STX18: variants seen among roughly 807,000 people sequenced by gnomAD.
STX18 encodes syntaxin-18.
A neutral mutation model predicts 50.1 loss-of-function variants in STX18; 40 were observed. The observed-to-expected ratio is 0.80, with a 90% CI of 0.62 to 1.04. STX18 has a LOEUF of 1.04. STX18 is among the 50% of genes least tolerant of loss of function. STX18 has a pLI of 0.00. For missense variants in STX18, 410 were observed against 415.8 expected (o/e 0.99, Z 0.12); for synonymous variants, 158 against 151.8 (o/e 1.04, Z -0.30).
intron 1 of STX18, among the ~76,000 whole-genome samples, chr4:4,531,453 C>T (rs957985770): frequency 3.9e-5 from 6 of 152,124 alleles, no homozygotes; most frequent in Admixed American, 1.3e-4. Context: ...ATAAATGTTT[C>T]GTTATATTCT....
intron 1 of STX18, among the ~76,000 whole-genome samples, chr4:4,523,197 A>C (rs1180231223): frequency 6.6e-6 from 1 of 152,176 alleles, no homozygotes; most frequent in Admixed American, 6.5e-5. Context: ...AATCCAAGTA[A>C]AAACAAGCTT....
At chr4:4,526,907 T>C (rs1730794480) in intron 1 of STX18, among the ~76,000 whole-genome samples, 2 of 152,332 alleles carry the variant, frequency 1.3e-5, no homozygotes, top group South Asian at 4.1e-4. Flanking sequence ...ATAAGTGAGA[T>C]ATATTCACAG....
In STX18 at chr4:4,423,383, A is replaced by G. The variant is rs1186841465; in HGVS notation, c.831+135T>C. 1.4e-5 allele frequency: 12 copies of G among 839,906 alleles called. No homozygotes were observed. In the East Asian group the frequency reaches 2.1e-4, roughly 15 times the overall value. The allele number at this position is 839,906 out of a possible 1,614,324, so 52.0% of individuals were successfully genotyped here. ...AGCTTTTCCCTGAGGAGCTCTGCGC[A>G]CACACACCTGCTAGCAACACATGGC... On this transcript the variant is annotated intron_variant, in intron 9 of 10. Transcript: ENST00000306200.
At chr4:4,454,281 G>A (rs899882497) in intron 5 of STX18, among the ~76,000 whole-genome samples, 11 of 152,222 alleles carry the variant, frequency 7.2e-5, no homozygotes, top group Non-Finnish European at 1.3e-4. Flanking sequence ...TTTGTGCAAA[G>A]TAATTGGCAC....
At chr4:4,454,927 AT>A (rs1726985872) in intron 5 of STX18, among the ~76,000 whole-genome samples, 1 of 152,256 alleles carries the variant, frequency 6.6e-6, no homozygotes, top group Non-Finnish European at 1.5e-5. Context: ...AATAGTACAA[AT>A]TAACATTTAT....
At chr4:4,534,954 A>G (rs754611489) in intron 1 of STX18, among the ~76,000 whole-genome samples, 19 of 152,138 alleles carry the variant, frequency 1.2e-4, no homozygotes, top group Non-Finnish European at 2.5e-4. Flanking sequence ...CTTCAGTACA[A>G]CCTCACCCCC....
intron 2 of STX18, among the ~76,000 whole-genome samples, chr4:4,468,846 A>G (rs1031633042): frequency 6.6e-6 from 1 of 152,216 alleles, no homozygotes; most frequent in African/African-American, 2.4e-5. Flanking sequence ...CAAAGGCTTT[A>G]TTCCTAATAG....
rs1157127051 is a variant in STX18, at chr4:4,462,880, G to A, written c.237-3393C>T. Reference sequence around the variant, plus strand: ...GCCCTTGTAGCTGGGAAAGGGGAAGGCTTAGGCCCTTCTTTACTGTACTAA... The same window carrying A: ...GCCCTTGTAGCTGGGAAAGGGGAAGACTTAGGCCCTTCTTTACTGTACTAA... On this transcript the variant is annotated intron_variant, in intron 2 of 10. Coordinates refer to ENST00000306200, the MANE Select transcript of STX18 (RefSeq NM_016930.4). 3.3e-5 allele frequency among the ~76,000 whole-genome samples: 5 copies of A among 152,274 alleles called. No individual in the cohort carries two copies. In the East Asian group the frequency reaches 7.7e-4, roughly 23 times the overall value.
At chr4:4,507,680 G>T (rs1729783536) in intron 1 of STX18, 1 of 837,196 alleles carries the variant, frequency 1.2e-6, no homozygotes, top group African/African-American at 1.7e-5. Context: ...TTTGGACAAA[G>T]CCCAGCAGAA....
intron 1 of STX18, among the ~76,000 whole-genome samples, chr4:4,531,142 G>T (rs1422378168): frequency 7.4e-6 from 1 of 134,814 alleles, no homozygotes; most frequent in African/African-American, 2.8e-5. Context: ...CCTTTGGCAT[G>T]GATAAAATTT....
At chr4:4,507,272 C>T (rs528320641) in intron 1 of STX18, 17 of 705,948 alleles carry the variant, frequency 2.4e-5, no homozygotes, top group South Asian at 2.2e-4. Context: ...TCCGGCATCT[C>T]CCAGGCTCTT....
At chr4:4,466,494 G>A (rs1233337146) in intron 2 of STX18, among the ~76,000 whole-genome samples, 1 of 152,200 alleles carries the variant, frequency 6.6e-6, no homozygotes, top group Admixed American at 6.5e-5. Flanking sequence ...ACGATGATAA[G>A]GACTACACCT....
intron 8 of STX18, 21 bp downstream of exon 8, chr4:4,425,141 TCA>T: frequency 6.2e-7 from 1 of 1,609,554 alleles, no homozygotes; most frequent in South Asian, 1.1e-5. Flanking sequence ...GGCTATCAGC[TCA>T]CAGAGGAGCT....
chr4:4,531,572 C>T (rs1731098401), intron 1 of STX18, among the ~76,000 whole-genome samples: 1 of 152,216 alleles, frequency 6.6e-6, no homozygotes, highest in Non-Finnish European at 1.5e-5. Context: ...CCGTTTCACA[C>T]TGCTGAGTAA....
At chr4:4,536,158 T>C (rs903118770) in intron 1 of STX18, among the ~76,000 whole-genome samples, 55 of 152,392 alleles carry the variant, frequency 3.6e-4, no homozygotes, top group African/African-American at 1.3e-3. Context: ...AGTATAAATG[T>C]GCATCATGTA....
chr4:4,438,487 T>G lies in STX18; in HGVS notation c.520A>C (p.Asn174His). The G allele has an allele frequency of 6.2e-7, 1 of 1,613,522 alleles. No individual in the cohort carries two copies. The highest frequency in any genetic ancestry group is 1.7e-4 in the Middle Eastern group (1 of 6,056). The change falls in exon 6 of 11, where the codon AAT becomes CAT. Residue 174 changes from asparagine to histidine, a missense_variant. Asn to His is a moderately conservative substitution (Grantham distance 68). Transcript: ENST00000306200. ...KRLSKLEPEP[N>H]TKTRESTSSE... ...GATGTGGATTCTCTTGTCTTTGTATTTGGTTCTGGTTCCAGCTTAGATCTA... is the reference window on the plus strand; with the variant it reads ...GATGTGGATTCTCTTGTCTTTGTATGTGGTTCTGGTTCCAGCTTAGATCTA...
At chr4:4,487,977 T>C (rs1374726229) in intron 1 of STX18, among the ~76,000 whole-genome samples, 2 of 152,106 alleles carry the variant, frequency 1.3e-5, no homozygotes, top group African/African-American at 4.8e-5. Flanking sequence ...AAAATAAATA[T>C]CAAGGAATGG....
chr4:4,512,647 C>T (rs1730055719), intron 1 of STX18, among the ~76,000 whole-genome samples: 1 of 152,140 alleles, frequency 6.6e-6, no homozygotes, highest in Non-Finnish European at 1.5e-5. Context: ...TGCTTTTCTG[C>T]ATTTGAGGCA....
At chr4:4,435,113 C>T (rs1490134962) in intron 6 of STX18, among the ~76,000 whole-genome samples, 3 of 152,112 alleles carry the variant, frequency 2.0e-5, no homozygotes, top group Non-Finnish European at 2.9e-5. Context: ...GTTTCAGTAT[C>T]GCACTGATGT....
Sources: gnomAD v4.1 joint callset for allele counts (sites outside exome capture counted in the v4.1 genomes callset) on GRCh38, gnomAD v4.1.1 for gene constraint, MANE v1.5 for transcripts, NCBI Gene and HGNC (gene_info 2026-07-23, HGNC 2026-07-21) for gene names.